EMSY: variants seen among roughly 807,000 people sequenced by gnomAD.
The protein encoded by EMSY is EMSY transcriptional repressor, BRCA2 interacting, also known as BRCA2-interacting transcriptional repressor EMSY.
In EMSY, 26 loss-of-function variants were observed where a neutral mutation model predicts 134.6. The ratio of observed to expected loss-of-function variants is 0.19; its 90% CI spans 0.14 to 0.27. The LOEUF is 0.27. Among genes scored for constraint, EMSY ranks in the 10% least tolerant of loss-of-function variants. The pLI is 1.00. For synonymous variants in EMSY, 579 were observed against 577.8 expected, an observed-to-expected ratio of 1.00 and a Z score of -0.03; for missense variants, 1,305 against 1,611.4, an observed-to-expected ratio of 0.81 and a Z score of 3.26.
intron 13 of EMSY, 109 bp from the exon 15 acceptor site, chr11:76,528,159 T>C (rs1221226010): frequency 1.7e-5 from 16 of 936,104 alleles, no homozygotes; most frequent in Non-Finnish European, 2.3e-5. Flanking sequence ...AAGTATAACG[T>C]ACAGAATAGT....
intron 10 of EMSY, 51 bp downstream of exon 11, chr11:76,513,586 A>C: frequency 6.3e-7 from 1 of 1,584,718 alleles, no homozygotes; most frequent in Non-Finnish European, 8.6e-7. Context: ...TTCATCAAAC[A>C]GTTTCTCTGT....
chr11:76,543,029 T>C (rs1468993653), intron 18 of EMSY, among the ~76,000 whole-genome samples: 1 of 152,214 alleles, frequency 6.6e-6, no homozygotes, highest in African/African-American at 2.4e-5. Flanking sequence ...GCAAGGTGGG[T>C]GTGTTATCCC....
chr11:76,547,674 G>A (rs1293456503), intron 20 of EMSY, among the ~76,000 whole-genome samples: 2 of 152,308 alleles, frequency 1.3e-5, no homozygotes, highest in South Asian at 2.1e-4. Context: ...CTAACAGATG[G>A]TAATTATTAC....
intron 18 of EMSY, 145 bp downstream of exon 19, chr11:76,542,512 G>A: frequency 9.4e-7 from 1 of 1,065,400 alleles, no homozygotes; most frequent in Non-Finnish European, 1.4e-6. Flanking sequence ...TAGAGGAAAT[G>A]AATTAAGAGT....
chr11:76,485,459 C>T (rs574039305), intron 8 of EMSY, among the ~76,000 whole-genome samples: 1 of 152,272 alleles, frequency 6.6e-6, no homozygotes, highest in African/African-American at 2.4e-5. Context: ...ATGCTTATCT[C>T]AATAGATACA....
intron 17 of EMSY, among the ~76,000 whole-genome samples, chr11:76,541,244 G>T (rs746959712): frequency 7.9e-5 from 12 of 152,116 alleles, no homozygotes; most frequent in Non-Finnish European, 1.6e-4. Context: ...ATAAACAAAT[G>T]AATAAAAAGT....
rs536225564 is a variant in EMSY, at chr11:76,462,947, A to G, written c.572-874A>G. Among the ~76,000 whole-genome samples, 8 of 152,360 alleles carry G rather than the reference A, an allele frequency of 5.3e-5. No individual in the cohort carries two copies. In the East Asian group the frequency reaches 1.5e-3, roughly 29 times the overall value. On this transcript the variant is annotated intron_variant, in intron 6 of 20. Transcript: ENST00000334736. Reference sequence around the variant, plus strand: ...AGATAGAAGTGGACAGACTGGAAGCATGGACATCTTTTAGGTGATTGTTGC... The same window carrying G: ...AGATAGAAGTGGACAGACTGGAAGCGTGGACATCTTTTAGGTGATTGTTGC...
At chr11:76,496,099 A>G in intron 8 of EMSY, 116 bp from the exon 10 acceptor site, 3 of 1,149,754 alleles carry the variant, frequency 2.6e-6, no homozygotes, top group Non-Finnish European at 3.7e-6. Flanking sequence ...TGCTCAATAA[A>G]TTGTACTTTT....
At chr11:76,458,906 A>T (rs186695393) in intron 5 of EMSY, 1 of 152,302 alleles carries the variant, frequency 6.6e-6, no homozygotes, top group Admixed American at 6.5e-5. Context: ...ATTAAATTTG[A>T]GAGAGCATAT....
rs1950702882 is a variant in EMSY, at chr11:76,523,058, C to T, written c.1685-97C>T. On this transcript the variant is annotated intron_variant, in intron 11 of 20. Transcript: ENST00000334736. ...CAGCTTTCATGTCATCTAGGAATGA[C>T]ATTTACTATATGTACTAATTGTGTA... 6 of 1,214,152 alleles carry T rather than the reference C, an allele frequency of 4.9e-6. No homozygotes were observed. The South Asian group carries it at 1.0e-4, about 21-fold the overall frequency. The allele number at this position is 1,214,152 out of a possible 1,614,324, so 75.2% of individuals were successfully genotyped here.
chr11:76,547,486 A>G (rs868793630), intron 20 of EMSY, among the ~76,000 whole-genome samples: 10 of 152,188 alleles, frequency 6.6e-5, no homozygotes, highest in Non-Finnish European at 1.3e-4. Context: ...GTGGTGGAAA[A>G]GGAATGGTTT....
chr11:76,513,815 C>T (rs1224481249), intron 10 of EMSY, among the ~76,000 whole-genome samples: 1 of 152,048 alleles, frequency 6.6e-6, no homozygotes, highest in Non-Finnish European at 1.5e-5. Flanking sequence ...TTTTATTGGA[C>T]CATAAGCTCT....
At chr11:76,468,201 G>C (rs1426921142) in intron 7 of EMSY, among the ~76,000 whole-genome samples, 1 of 151,632 alleles carries the variant, frequency 6.6e-6, no homozygotes, top group Non-Finnish European at 1.5e-5. Context: ...ATTGAGAATG[G>C]ATAGTTGAGG....
chr11:76,477,108 A>C (rs1320938159), intron 8 of EMSY, among the ~76,000 whole-genome samples: 1 of 152,000 alleles, frequency 6.6e-6, no homozygotes, highest in Non-Finnish European at 1.5e-5. Context: ...AATACATAAT[A>C]GTTTCAGAAT....
exon 19 of EMSY, chr11:76,544,360 G>T (rs766929962): frequency 1.2e-6 from 2 of 1,614,176 alleles, no homozygotes; most frequent in Non-Finnish European, 1.7e-6. Flanking sequence ...AGACAGGTCT[G>T]TTTTACCGAT....
chr11:76,489,080 C>T (rs1590873503), intron 8 of EMSY, among the ~76,000 whole-genome samples: 1 of 152,326 alleles, frequency 6.6e-6, no homozygotes, highest in African/African-American at 2.4e-5. Flanking sequence ...GTATGGCTGG[C>T]TTAGGGCCAG....
chr11:76,472,965 C>A, intron 8 of EMSY, 125 bp downstream of exon 9: 3 of 926,940 alleles, frequency 3.2e-6, no homozygotes, highest in Non-Finnish European at 4.8e-6. Flanking sequence ...GATCACCACC[C>A]CGTGTACCCC....
Position 76,453,371 on chromosome 11 carries a change from A to G in EMSY, c.228A>G (p.Leu76=), listed in dbSNP as rs1947743869. ...GGAGAGCAGTAAACGATGAACGGTT[A>G]ACAACAATTGCACATAAGTAAGCCA... The change falls in exon 4 of 21, where the codon TTA becomes TTG. Residue 76 remains leucine, a synonymous_variant. Transcript: ENST00000334736. 1.9e-6 allele frequency: 3 copies of G among 1,612,978 alleles called. No individual in the cohort carries two copies. The East Asian group carries it at 6.7e-5, about 36-fold the overall frequency.
At chr11:76,544,854 AC>A (rs779150114) in intron 19 of EMSY, 32 bp downstream of exon 20, 1 of 1,600,578 alleles carries the variant, frequency 6.2e-7, no homozygotes, top group Non-Finnish European at 8.6e-7. Context: ...GCAAAGTTAA[AC>A]TTCTCTGTTC....
Sources: allele counts gnomAD v4.1 joint callset (sites outside exome capture counted in the v4.1 genomes callset), GRCh38; gene constraint gnomAD v4.1.1; transcripts MANE v1.5; gene names NCBI Gene and HGNC (gene_info 2026-07-23, HGNC 2026-07-21).